The following FMN2 variants were observed in gnomAD, a reference collection of about 807,000 sequenced individuals.
FMN2 encodes the protein formin 2.
A neutral mutation model predicts 142.3 loss-of-function variants in FMN2; 51 were observed. The observed-to-expected ratio is 0.36, with a 90% confidence interval of 0.29 to 0.45. The LOEUF is 0.45. FMN2 is among the 20% of genes least tolerant of loss of function. The pLI is 1.00. For synonymous variants in FMN2, 882 were observed against 869.8 expected (o/e 1.01, Z -0.25); for missense variants, 1,936 against 2,122.8 (o/e 0.91, Z 1.73).
At chr1:240,399,797 A>G (rs904783140) in intron 15 of FMN2, among the ~76,000 whole-genome samples, 1 of 151,152 alleles carries the variant, frequency 6.6e-6, no homozygotes, top group Admixed American at 6.6e-5. Flanking sequence ...TAGGGCAGAG[A>G]TTCTACACCA....
At chr1:240,471,120 A>G (rs1676791692) in intron 16 of FMN2, among the ~76,000 whole-genome samples, 2 of 152,182 alleles carry the variant, frequency 1.3e-5, no homozygotes, top group African/African-American at 4.8e-5. Context: ...TCTTTTAACT[A>G]TACCTCTGGT....
intron 6 of FMN2, among the ~76,000 whole-genome samples, chr1:240,244,366 C>T (rs992587585): frequency 6.6e-6 from 1 of 152,172 alleles, no homozygotes; most frequent in Non-Finnish European, 1.5e-5. Flanking sequence ...CAAGAAACTT[C>T]AAGTTATCTC....
Position 240,093,438 on chromosome 1 carries a change from C to A in FMN2, c.1329C>A (p.Ile443=). The change falls in exon 1 of 18, where the codon ATC becomes ATA. Residue 443 remains isoleucine (I), a synonymous_variant. Transcript: ENST00000319653. ...PSQSPNQSPR[I]KRRPEPSLSR... ...AGTCCCCTAATCAGAGCCCCAGGATCAAGAGGCGGCCGGAACCCTCCCTGA... is the reference window on the plus strand; with the variant it reads ...AGTCCCCTAATCAGAGCCCCAGGATAAAGAGGCGGCCGGAACCCTCCCTGA... 6.2e-7 allele frequency: 1 copy of A among 1,613,358 alleles called. No homozygotes were observed. The highest frequency in any genetic ancestry group is 8.5e-7 in the Non-Finnish European group (1 of 1,179,670).
Position 240,438,169 on chromosome 1 carries a change from AG to A in FMN2, c.5020del (p.Asp1674ThrfsTer15). 1 of 1,614,092 alleles carries A rather than the reference AG, an allele frequency of 6.2e-7. No homozygotes were observed. The highest frequency in any genetic ancestry group is 8.5e-7 in the Non-Finnish European group (1 of 1,179,970). On this transcript the variant is annotated frameshift_variant, in exon 16 of 18. Transcript: ENST00000319653. LOFTEE classifies it high-confidence loss of function. ...IWHEFSSDFK[D>X]FWKKENKLLL... ...GGCATGAATTCAGCTCTGACTTTAA[AG>A]ACTTCTGGAAGAAAGAGAACAAACT... is the stretch of plus-strand genomic sequence containing the variant.
chr1:240,329,006 T>C, intron 8 of FMN2, 70 bp from the exon 9 acceptor site: 1 of 1,324,664 alleles, frequency 7.5e-7, no homozygotes, highest in Middle Eastern at 1.8e-4. Flanking sequence ...TTTATCAAGA[T>C]AATTAGATTA....
intron 8 of FMN2, among the ~76,000 whole-genome samples, chr1:240,300,191 A>G (rs1670149781): frequency 6.6e-6 from 1 of 152,198 alleles, no homozygotes; most frequent in Non-Finnish European, 1.5e-5. Flanking sequence ...CTGGGATTCT[A>G]ACTACCTCTT....
At chr1:240,284,725 A>C (rs1183034959) in intron 7 of FMN2, among the ~76,000 whole-genome samples, 5 of 152,164 alleles carry the variant, frequency 3.3e-5, no homozygotes, top group Admixed American at 6.6e-5. Context: ...AGAGTCCCTC[A>C]AATTTTTAAG....
chr1:240,337,027 G>A (rs12742760), intron 13 of FMN2, among the ~76,000 whole-genome samples: 357 of 151,922 alleles, frequency 2.3e-3, no homozygotes, highest in Middle Eastern at 6.9e-3. Context: ...TATCAACAAC[G>A]CATGAAATCT....
intron 1 of FMN2, among the ~76,000 whole-genome samples, chr1:240,097,792 G>C (rs1661265385): frequency 6.6e-6 from 1 of 152,136 alleles, no homozygotes; most frequent in Non-Finnish European, 1.5e-5. Flanking sequence ...GCCAGACTCT[G>C]TTGGTGCATT....
intron 14 of FMN2, among the ~76,000 whole-genome samples, chr1:240,378,763 T>C (rs1338209120): frequency 6.6e-6 from 1 of 152,234 alleles, no homozygotes; most frequent in Admixed American, 6.5e-5. Context: ...CAGTGGACTT[T>C]TTATTTCGGA....
intron 14 of FMN2, among the ~76,000 whole-genome samples, chr1:240,388,698 C>A (rs1673496558): frequency 6.6e-6 from 1 of 151,878 alleles, no homozygotes; most frequent in African/African-American, 2.4e-5. Context: ...CCCATCTCTA[C>A]TAAAACTACA....
At chr1:240,205,153 G>A (rs1666281180) in intron 4 of FMN2, among the ~76,000 whole-genome samples, 1 of 152,038 alleles carries the variant, frequency 6.6e-6, no homozygotes, top group Non-Finnish European at 1.5e-5. Context: ...TGGCCTATGG[G>A]GATCATCTGG....
intron 2 of FMN2, among the ~76,000 whole-genome samples, chr1:240,171,711 T>C (rs1472415844): frequency 6.6e-6 from 1 of 152,230 alleles, no homozygotes; most frequent in Non-Finnish European, 1.5e-5. Flanking sequence ...CACACTATGA[T>C]AAATTATTTG....
intron 2 of FMN2, among the ~76,000 whole-genome samples, chr1:240,159,225 T>A (rs1664157383): frequency 6.6e-6 from 1 of 152,072 alleles, no homozygotes; most frequent in Admixed American, 6.6e-5. Flanking sequence ...ATGAAACTTA[T>A]CTTTATGTCT....
At chr1:240,262,992 C>G (rs962526104) in intron 7 of FMN2, among the ~76,000 whole-genome samples, 102 of 151,990 alleles carry the variant, frequency 6.7e-4, no homozygotes, top group Non-Finnish European at 2.9e-4. Flanking sequence ...CTCCTGACCT[C>G]AAGTGATCCA....
rs533617492 is a variant in FMN2 at position 240,284,225 on chromosome 1, G to A, written c.4154-10597G>A. Among the ~76,000 whole-genome samples, 17 of 152,174 alleles carry A rather than the reference G, an allele frequency of 1.1e-4. No homozygotes were observed. In the East Asian group the frequency reaches 3.3e-3, roughly 29 times the overall value. On this transcript the variant is annotated intron_variant, in intron 7 of 17. Coordinates refer to ENST00000319653, the MANE Select transcript of FMN2 (RefSeq NM_020066.5). ...TGATTCAAATGTATTTAGCACTTTG[G>A]CCATATTGTCATGTGGGTAATTGTC...
At chr1:240,242,730 G>T (rs146878490) in intron 6 of FMN2, among the ~76,000 whole-genome samples, 24 of 152,226 alleles carry the variant, frequency 1.6e-4, no homozygotes, top group Admixed American at 3.3e-4. Context: ...AGACCCAAAG[G>T]CAGGACAAAC....
chr1:240,412,704 A>G (rs778074911), intron 15 of FMN2, among the ~76,000 whole-genome samples: 15 of 152,200 alleles, frequency 9.9e-5, no homozygotes, highest in Non-Finnish European at 1.6e-4. Context: ...CTGGAAGACC[A>G]GACATAGGGA....
At chr1:240,263,880 T>G (rs1387148689) in intron 7 of FMN2, among the ~76,000 whole-genome samples, 1 of 152,156 alleles carries the variant, frequency 6.6e-6, no homozygotes, top group African/African-American at 2.4e-5. Flanking sequence ...CTAACTGGAA[T>G]TATGGGCCCT....
Sources: allele counts gnomAD v4.1 joint callset (sites outside exome capture counted in the v4.1 genomes callset), GRCh38; gene constraint gnomAD v4.1.1; transcripts MANE v1.5; gene names NCBI Gene and HGNC (gene_info 2026-07-23, HGNC 2026-07-21).